The following RBFOX1 variants were observed in gnomAD, a reference collection of about 807,000 sequenced individuals.
The protein encoded by RBFOX1 is RNA binding protein fox-1 homolog 1.
In RBFOX1, 8 loss-of-function variants were observed where a neutral mutation model predicts 57.7. That is an observed-to-expected ratio of 0.14 (90% CI 0.08 to 0.25). The LOEUF (loss-of-function observed/expected upper bound fraction) is 0.25, where lower values mean the gene tolerates loss of function less well. Ranked by LOEUF, RBFOX1 falls within the 10% of genes least tolerant of loss-of-function variation. The pLI is 1.00. For synonymous variants in RBFOX1, 326 were observed against 222.4 expected (o/e 1.47, Z -4.15); for missense variants, 611 against 548.5 (o/e 1.11, Z -1.14).
At chr16:7,090,226 G>C (rs1484831284) in intron 4 of RBFOX1, among the ~76,000 whole-genome samples, 7 of 152,130 alleles carry the variant, frequency 4.6e-5, no homozygotes, top group Non-Finnish European at 8.8e-5. Flanking sequence ...GACAAGGAGA[G>C]ACAATAAAAT....
chr16:7,547,256 C>G (rs1321189492), intron 5 of RBFOX1, among the ~76,000 whole-genome samples: 1 of 152,218 alleles, frequency 6.6e-6, no homozygotes, highest in Non-Finnish European at 1.5e-5. Context: ...AGCAGGCAAC[C>G]TGCTAGCTCA....
In RBFOX1 at chr16:6,459,916, G is replaced by A. The variant is rs751094746; in HGVS notation, c.-64+142859G>A. Among the ~76,000 whole-genome samples, 4 of 139,620 alleles carry A rather than the reference G, an allele frequency of 2.9e-5. 1 individual carries two copies. Among genetic ancestry groups the A allele is most frequent in the South Asian group, 4.7e-4 (2 of 4,298 alleles). The allele number at this position is 139,620 out of a possible 152,430, so 91.6% of individuals were successfully genotyped here. On this transcript the variant is annotated intron_variant, in intron 2 of 15. Transcript: ENST00000550418. ...GGAGAATAGCTTGAACCTGAGAGGC[G>A]GAGGTTGTGGTGAGCTGAGATAGTG...
intron 1 of RBFOX1, among the ~76,000 whole-genome samples, chr16:5,306,541 C>A (rs139001656): frequency 2.0e-5 from 3 of 152,236 alleles, no homozygotes; most frequent in African/African-American, 7.2e-5. Context: ...CTCATGACCT[C>A]AAGTGACCCA....
intron 3 of RBFOX1, among the ~76,000 whole-genome samples, chr16:6,738,433 T>G (rs1360272609): frequency 6.6e-6 from 1 of 152,044 alleles, no homozygotes; most frequent in Non-Finnish European, 1.5e-5. Flanking sequence ...CAGGAGAGTA[T>G]TTATAGGAAT....
At chr16:5,821,891 G>A (rs547109251) in intron 3 of RBFOX1, among the ~76,000 whole-genome samples, 41 of 152,220 alleles carry the variant, frequency 2.7e-4, no homozygotes, top group East Asian at 7.7e-4. Context: ...TATAAGGCAC[G>A]GAGCCTTCAT....
intron 1 of RBFOX1, among the ~76,000 whole-genome samples, chr16:5,292,571 C>T (rs2063561352): frequency 1.3e-5 from 2 of 152,124 alleles, no homozygotes; most frequent in African/African-American, 4.8e-5. Context: ...CCATCACTCC[C>T]CCTGATTGGT....
At chr16:5,860,659 A>G (rs2057190431) in intron 3 of RBFOX1, among the ~76,000 whole-genome samples, 1 of 152,236 alleles carries the variant, frequency 6.6e-6, no homozygotes, top group South Asian at 2.1e-4. Flanking sequence ...CCCAGGGCTA[A>G]AAGAGGACAA....
At chr16:5,673,547 C>G (rs2050078915) in intron 3 of RBFOX1, among the ~76,000 whole-genome samples, 1 of 152,216 alleles carries the variant, frequency 6.6e-6, no homozygotes, top group African/African-American at 2.4e-5. Context: ...GTCAGTGTCA[C>G]TGAGGCCAGA....
chr16:5,871,535 C>T (rs1480767665), intron 4 of RBFOX1, among the ~76,000 whole-genome samples: 1 of 152,140 alleles, frequency 6.6e-6, no homozygotes. Flanking sequence ...CACATTTCCC[C>T]CCTATTTATC....
At chr16:7,072,743 A>G (rs1029950721) in intron 4 of RBFOX1, among the ~76,000 whole-genome samples, 5 of 152,228 alleles carry the variant, frequency 3.3e-5, no homozygotes, top group Admixed American at 6.5e-5. Context: ...TTTTCAGGCA[A>G]TGGGTACAAA....
intron 4 of RBFOX1, among the ~76,000 whole-genome samples, chr16:7,189,675 A>G (rs555150476): frequency 6.6e-6 from 1 of 152,034 alleles, no homozygotes; most frequent in East Asian, 1.9e-4. Flanking sequence ...CTAGCCTACC[A>G]CTGGGAAAAA....
chr16:6,537,217 A>C (rs563757003), intron 2 of RBFOX1, among the ~76,000 whole-genome samples: 1 of 152,140 alleles, frequency 6.6e-6, no homozygotes, highest in African/African-American at 2.4e-5. Flanking sequence ...CGGCACTTCT[A>C]ATAAGCTTCC....
intron 2 of RBFOX1, among the ~76,000 whole-genome samples, chr16:6,629,487 C>T (rs2098356008): frequency 1.3e-5 from 2 of 152,178 alleles, no homozygotes; most frequent in Non-Finnish European, 2.9e-5. Flanking sequence ...TTGGGATCAG[C>T]TGTCTTCATT....
intron 4 of RBFOX1, among the ~76,000 whole-genome samples, chr16:7,495,590 G>T (rs550732260): frequency 6.6e-6 from 1 of 152,210 alleles, no homozygotes; most frequent in South Asian, 2.1e-4. Context: ...GCATTTTTTC[G>T]TATGTTTGTT....
At chr16:7,706,494 T>C (rs938065929) in intron 14 of RBFOX1, among the ~76,000 whole-genome samples, 1 of 152,228 alleles carries the variant, frequency 6.6e-6, no homozygotes, top group Non-Finnish European at 1.5e-5. Flanking sequence ...GGAGCTACGC[T>C]TTTATTAAAT....
chr16:6,929,674 C>G (rs1407503009), intron 3 of RBFOX1, among the ~76,000 whole-genome samples: 2 of 152,148 alleles, frequency 1.3e-5, no homozygotes, highest in Admixed American at 6.5e-5. Context: ...GCTTGCATAA[C>G]TAGTGTGTTA....
chr16:6,741,422 G>A (rs554249385), intron 3 of RBFOX1, among the ~76,000 whole-genome samples: 1 of 152,060 alleles, frequency 6.6e-6, no homozygotes, highest in Non-Finnish European at 1.5e-5. Flanking sequence ...CAGCACTTTG[G>A]GAGGCTGATA....
intron 3 of RBFOX1, among the ~76,000 whole-genome samples, chr16:6,955,348 G>GCACA (rs34550051): frequency 0.051 from 7,632 of 150,142 alleles, 484 homozygotes; most frequent in African/African-American, 0.15. Flanking sequence ...CCCCACATAT[G>GCACA]CACACACACA....
At chr16:6,035,355 G>A (rs190501875) in intron 1 of RBFOX1, among the ~76,000 whole-genome samples, 74 of 152,314 alleles carry the variant, frequency 4.9e-4, no homozygotes, top group African/African-American at 1.7e-3. Context: ...TGGAGCAGAT[G>A]GGCTGCCCCT....
Sources: allele counts gnomAD v4.1 joint callset (sites outside exome capture counted in the v4.1 genomes callset), GRCh38; gene constraint gnomAD v4.1.1; transcripts MANE v1.5; gene names NCBI Gene and HGNC (gene_info 2026-07-23, HGNC 2026-07-21).